The following TUSC3 variants were observed in gnomAD, a reference collection of about 807,000 sequenced individuals.
TUSC3 encodes the protein tumor suppressor candidate 3, also known as dolichyl-diphosphooligosaccharide--protein glycosyltransferase subunit TUSC3.
Under a neutral mutation model 44.8 loss-of-function variants are expected in TUSC3, and 45 were observed. The observed-to-expected ratio is 1.00, with a 90% CI of 0.79 to 1.29. TUSC3 has a LOEUF of 1.29. TUSC3 is among the 50% of genes most tolerant of loss of function. The pLI is 0.00. For synonymous variants in TUSC3, 212 were observed against 152.9 expected (o/e 1.39, Z -2.85); for missense variants, 519 against 437.9 (o/e 1.19, Z -1.65).
At chr8:15,767,792 G>A (rs1272680627), downstream of TUSC3, among the ~76,000 whole-genome samples, 4 of 152,130 alleles carry the variant, frequency 2.6e-5, no homozygotes, top group Non-Finnish European at 5.9e-5. Context: ...TTTCTTGAAA[G>A]CATTGAAAGT....
intron 1 of TUSC3, among the ~76,000 whole-genome samples, chr8:15,439,485 A>G (rs1799993558): frequency 6.6e-6 from 1 of 152,180 alleles, no homozygotes; most frequent in South Asian, 2.1e-4. Flanking sequence ...TGAGCCTAGG[A>G]GGTTGAGGCT....
intron 7 of TUSC3, among the ~76,000 whole-genome samples, chr8:15,742,320 C>T (rs995148871): frequency 1.4e-5 from 2 of 147,690 alleles, no homozygotes; most frequent in African/African-American, 5.0e-5. Flanking sequence ...AAAGCTAAAA[C>T]AAATACAATA....
intron 5 of TUSC3, among the ~76,000 whole-genome samples, chr8:15,665,911 G>A (rs1807637798): frequency 6.6e-6 from 1 of 151,204 alleles, no homozygotes; most frequent in African/African-American, 2.4e-5. Flanking sequence ...TCATTGATTG[G>A]TTCTGGTTCT....
chr8:15,443,895 C>G (rs1800056833), intron 1 of TUSC3, among the ~76,000 whole-genome samples: 1 of 152,080 alleles, frequency 6.6e-6, no homozygotes. Context: ...CACCCGGGAA[C>G]TGACTCAGCC....
intron 1 of TUSC3, among the ~76,000 whole-genome samples, chr8:15,581,395 T>C (rs1355388577): frequency 6.7e-6 from 1 of 148,560 alleles, no homozygotes; most frequent in South Asian, 2.1e-4. Flanking sequence ...AGAGGCGCTC[T>C]GCATTTTAGA....
At chr8:15,583,771 A>C (rs1356292208) in intron 1 of TUSC3, among the ~76,000 whole-genome samples, 2 of 152,128 alleles carry the variant, frequency 1.3e-5, no homozygotes, top group Non-Finnish European at 2.9e-5. Flanking sequence ...TTTTTTTCTT[A>C]AGCAAGTATT....
chr8:15,551,542 A>G (rs575277959), intron 1 of TUSC3, among the ~76,000 whole-genome samples: 2 of 151,856 alleles, frequency 1.3e-5, no homozygotes, highest in African/African-American at 4.8e-5. Context: ...ATAGCAATTA[A>G]ATTTACACTC....
chr8:15,674,964 A>G (rs1353325434), intron 6 of TUSC3, among the ~76,000 whole-genome samples: 1 of 152,018 alleles, frequency 6.6e-6, no homozygotes, highest in East Asian at 1.9e-4. Flanking sequence ...GACACTATTT[A>G]AAGTTAGCCC....
intron 10 of TUSC3, 93 bp downstream of exon 10, chr8:15,757,948 T>C: frequency 6.6e-7 from 1 of 1,504,612 alleles, no homozygotes; most frequent in Non-Finnish European, 9.0e-7. Flanking sequence ...TTGTAGTAAA[T>C]TACTGTTTTA....
the TUSC3 span, among the ~76,000 whole-genome samples, chr8:15,830,343 C>T: frequency 6.6e-6 from 1 of 152,126 alleles, no homozygotes. Flanking sequence ...AGGCCTTATT[C>T]ATAAATCCTT....
At chr8:15,792,618 T>C in the TUSC3 span, among the ~76,000 whole-genome samples, 1 of 152,084 alleles carries the variant, frequency 6.6e-6, no homozygotes, top group Non-Finnish European at 1.5e-5. Context: ...TTTCGTTTTT[T>C]TGTTTGTTTC....
chr8:15,685,461 C>T (rs1379405963), intron 6 of TUSC3, among the ~76,000 whole-genome samples: 5 of 152,084 alleles, frequency 3.3e-5, no homozygotes, highest in East Asian at 1.9e-4. Flanking sequence ...GGACAGTTCC[C>T]GGCTGTTTCT....
intron 1 of TUSC3, among the ~76,000 whole-genome samples, chr8:15,604,340 A>G (rs1804428299): frequency 6.6e-6 from 1 of 151,672 alleles, no homozygotes; most frequent in Non-Finnish European, 1.5e-5. Context: ...GTAGTATTTT[A>G]ATTATTTATG....
chr8:15,498,550 T>C (rs1468274656), intron 2 of TUSC3, among the ~76,000 whole-genome samples: 1 of 152,222 alleles, frequency 6.6e-6, no homozygotes, highest in Non-Finnish European at 1.5e-5. Flanking sequence ...TGAATCGCTC[T>C]ACATGGTTTT....
chr8:15,469,002 T>C (rs1800450611), intron 1 of TUSC3, among the ~76,000 whole-genome samples: 1 of 146,090 alleles, frequency 6.8e-6, no homozygotes, highest in Non-Finnish European at 1.5e-5. Flanking sequence ...TTAATGAAGG[T>C]AAAGGCATGC....
chr8:15,538,455 C>G (rs956977834), upstream of TUSC3, among the ~76,000 whole-genome samples: 4 of 152,168 alleles, frequency 2.6e-5, no homozygotes, highest in African/African-American at 9.7e-5. Context: ...TATTTGTAAA[C>G]TCCTTTAACA....
chr8:15,459,852 GTGTA>G (rs757079603), intron 1 of TUSC3, among the ~76,000 whole-genome samples: 11 of 143,560 alleles, frequency 7.7e-5, no homozygotes, highest in East Asian at 2.0e-4. Flanking sequence ...GTGTGTGTGT[GTGTA>G]TGTGTGTGTG....
At chr8:15,743,162 G>A (rs936870182) in intron 7 of TUSC3, among the ~76,000 whole-genome samples, 1 of 152,320 alleles carries the variant, frequency 6.6e-6, no homozygotes, top group Non-Finnish European at 1.5e-5. Flanking sequence ...GTACACACAC[G>A]TTATGAAAAT....
At chr8:15,784,496 G>A in the TUSC3 span, among the ~76,000 whole-genome samples, 1 of 140,510 alleles carries the variant, frequency 7.1e-6, no homozygotes, top group Admixed American at 7.0e-5. Context: ...AATGTTATGT[G>A]TATGTGTGTG....
Sources: gnomAD v4.1 joint callset for allele counts (sites outside exome capture counted in the v4.1 genomes callset) on GRCh38, gnomAD v4.1.1 for gene constraint, MANE v1.5 for transcripts, NCBI Gene and HGNC (gene_info 2026-07-23, HGNC 2026-07-21) for gene names.